DLGAP2: variants seen among roughly 807,000 people sequenced by gnomAD.
DLGAP2 encodes disks large-associated protein 2.
A neutral mutation model predicts 100.3 loss-of-function variants in DLGAP2; 26 were observed. The ratio of observed to expected loss-of-function variants is 0.26; its 90% CI spans 0.19 to 0.36. The LOEUF is 0.36. DLGAP2 is among the 10% of genes least tolerant of loss of function. The pLI, the probability that DLGAP2 is intolerant of heterozygous loss-of-function variation, is 1.00. For synonymous variants in DLGAP2, 886 were observed against 630.1 expected (o/e 1.41, Z -6.08); for missense variants, 1,858 against 1,453.2 (o/e 1.28, Z -4.53).
At chr8:1,206,100 C>T (rs1205444637) in intron 2 of DLGAP2, among the ~76,000 whole-genome samples, 1 of 152,184 alleles carries the variant, frequency 6.6e-6, no homozygotes, top group Admixed American at 6.5e-5. Flanking sequence ...ATGTTAACCC[C>T]TCTGCACCCA....
At chr8:879,689 T>C (rs1206099277) in intron 1 of DLGAP2, among the ~76,000 whole-genome samples, 1 of 152,240 alleles carries the variant, frequency 6.6e-6, no homozygotes, top group African/African-American at 2.4e-5. Flanking sequence ...TATCATTTTG[T>C]CACTTGGCAA....
intron 3 of DLGAP2, among the ~76,000 whole-genome samples, chr8:1,391,903 C>T (rs1251589292): frequency 6.6e-6 from 1 of 152,246 alleles, no homozygotes; most frequent in African/African-American, 2.4e-5. Context: ...CCACCTTGGA[C>T]AACCAACAAG....
intron 1 of DLGAP2, among the ~76,000 whole-genome samples, chr8:831,961 A>T (rs1202368858): frequency 6.6e-6 from 1 of 152,196 alleles, no homozygotes; most frequent in Non-Finnish European, 1.5e-5. Flanking sequence ...TTCTCTAATC[A>T]GTGATGATGA....
intron 2 of DLGAP2, among the ~76,000 whole-genome samples, chr8:1,064,183 A>G (rs1188365886): frequency 6.6e-6 from 1 of 152,212 alleles, no homozygotes; most frequent in South Asian, 2.1e-4. Flanking sequence ...CTTGCTCCCA[A>G]TTTGCAACAA....
intron 2 of DLGAP2, among the ~76,000 whole-genome samples, chr8:1,213,861 G>A (rs1039746324): frequency 2.0e-5 from 3 of 152,176 alleles, no homozygotes; most frequent in African/African-American, 7.2e-5. Flanking sequence ...CCTAGAAGAT[G>A]AGCACATGGC....
At chr8:1,320,203 T>C (rs1285285870) in intron 3 of DLGAP2, among the ~76,000 whole-genome samples, 2 of 151,608 alleles carry the variant, frequency 1.3e-5, no homozygotes, top group South Asian at 2.1e-4. Flanking sequence ...TTTCCGGAAA[T>C]GGGGAAGGGT....
In DLGAP2 at chr8:788,836, A is replaced by G. The variant is rs564715756; in HGVS notation, c.18+51011A>G. Among the ~76,000 whole-genome samples the G allele has an allele frequency of 6.6e-5, 10 of 152,266 alleles. No individual in the cohort carries two copies. In the South Asian group the frequency reaches 1.9e-3, roughly 28 times the overall value. ...ATCGAAAGGTTAATGCATCTTTGTGACTTTTTCCCATGGGCTTTTGTTATG... is the reference window on the plus strand; with the variant it reads ...ATCGAAAGGTTAATGCATCTTTGTGGCTTTTTCCCATGGGCTTTTGTTATG... On this transcript the variant is annotated intron_variant, in intron 1 of 14. Transcript: ENST00000637795.
chr8:1,223,831 A>G (rs1488545341), intron 2 of DLGAP2, among the ~76,000 whole-genome samples: 2 of 152,234 alleles, frequency 1.3e-5, no homozygotes, highest in Admixed American at 6.5e-5. Context: ...TTAAGCACCC[A>G]TATGCTCTAT....
At chr8:1,584,563 C>T (rs1340268103) in intron 6 of DLGAP2, among the ~76,000 whole-genome samples, 3 of 152,142 alleles carry the variant, frequency 2.0e-5, no homozygotes, top group South Asian at 2.1e-4. Flanking sequence ...GTGTTGCAAC[C>T]GTTGCCAGCA....
chr8:1,064,839 C>A (rs567173491), intron 2 of DLGAP2, among the ~76,000 whole-genome samples: 1 of 152,320 alleles, frequency 6.6e-6, no homozygotes, highest in South Asian at 2.1e-4. Context: ...GTTTCACCCC[C>A]CTCCACCCTG....
intron 2 of DLGAP2, among the ~76,000 whole-genome samples, chr8:1,017,476 C>A (rs1219863899): frequency 1.2e-5 from 1 of 81,042 alleles, no homozygotes; most frequent in Non-Finnish European, 2.3e-5. Flanking sequence ...TGTGTGTGAC[C>A]AGGACAGACG....
At chr8:948,142 G>A (rs1196026216) in intron 2 of DLGAP2, among the ~76,000 whole-genome samples, 1 of 152,260 alleles carries the variant, frequency 6.6e-6, no homozygotes, top group African/African-American at 2.4e-5. Context: ...GGGCTGATCT[G>A]CTGCCCAGCT....
intron 1 of DLGAP2, among the ~76,000 whole-genome samples, chr8:810,694 T>A (rs547902782): frequency 3.9e-4 from 60 of 152,346 alleles, no homozygotes; most frequent in African/African-American, 1.3e-3. Flanking sequence ...AGTGGGTTTT[T>A]AAACTGAGAA....
rs188604773 is a variant in DLGAP2, at chr8:1,184,150, C to T, written c.74-74701C>T. On this transcript the variant is annotated intron_variant, in intron 2 of 14. Transcript: ENST00000637795. ...CACTTGATGTCTCCAAGTTGCACAG[C>T]GGTCTCTTTTATGCAACCGTCATGC... Among the ~76,000 whole-genome samples the T allele has an allele frequency of 3.5e-4, 54 of 152,330 alleles. No homozygotes were observed. In the East Asian group the frequency reaches 5.0e-3, roughly 14 times the overall value.
At chr8:928,734 A>G (rs535594774) in intron 2 of DLGAP2, among the ~76,000 whole-genome samples, 1 of 152,198 alleles carries the variant, frequency 6.6e-6, no homozygotes, top group South Asian at 2.1e-4. Flanking sequence ...ATAGGTGGGA[A>G]TCGCTGCCCT....
At chr8:1,688,594 G>A (rs993858538) in intron 12 of DLGAP2, among the ~76,000 whole-genome samples, 3 of 152,162 alleles carry the variant, frequency 2.0e-5, no homozygotes, top group African/African-American at 7.2e-5. Context: ...CACGGAATGG[G>A]GAGGGAGCTG....
chr8:1,177,979 C>T (rs544750339), intron 2 of DLGAP2, among the ~76,000 whole-genome samples: 11 of 152,240 alleles, frequency 7.2e-5, no homozygotes, highest in Admixed American at 7.2e-4. Context: ...AACACAGCAT[C>T]TCCCGGTGAA....
At chr8:833,302 T>C (rs1224019378) in intron 1 of DLGAP2, among the ~76,000 whole-genome samples, 1 of 152,184 alleles carries the variant, frequency 6.6e-6, no homozygotes, top group Admixed American at 6.5e-5. Flanking sequence ...ACCACACACT[T>C]CTTGGCTTAA....
intron 2 of DLGAP2, among the ~76,000 whole-genome samples, chr8:1,160,305 G>A (rs149530936): frequency 4.6e-5 from 7 of 152,304 alleles, no homozygotes; most frequent in African/African-American, 1.2e-4. Flanking sequence ...GACAGGTCCC[G>A]TGCCTGGTTA....
Sources: allele counts gnomAD v4.1 joint callset (sites outside exome capture counted in the v4.1 genomes callset), GRCh38; gene constraint gnomAD v4.1.1; transcripts MANE v1.5; gene names NCBI Gene and HGNC (gene_info 2026-07-23, HGNC 2026-07-21).